RARB: variants seen among roughly 807,000 people sequenced by gnomAD.
RARB encodes the protein retinoic acid receptor beta, also known as HBV-activated protein.
A neutral mutation model predicts 51.9 loss-of-function variants in RARB; 17 were observed. The ratio of observed to expected loss-of-function variants is 0.33; its 90% CI spans 0.22 to 0.49. The LOEUF is 0.49. Among genes scored for constraint, RARB ranks in the 20% least tolerant of loss-of-function variants. The probability of loss-of-function intolerance (pLI) is 0.99; values close to 1 mark genes in which losing one functional copy is unlikely to be tolerated. For missense variants in RARB, 369 were observed against 550.8 expected (o/e 0.67, Z 3.30); for synonymous variants, 215 against 195.4 (o/e 1.10, Z -0.84).
At chr3:25,356,534 C>CT (rs1209949482) in intron 5 of RARB, among the ~76,000 whole-genome samples, 1 of 151,228 alleles carries the variant, frequency 6.6e-6, no homozygotes, top group African/African-American at 2.4e-5. Flanking sequence ...TTTTATTATA[C>CT]TTTAAGTTCT....
At chr3:25,575,766 C>T (rs1322386510) in intron 4 of RARB, among the ~76,000 whole-genome samples, 1 of 152,160 alleles carries the variant, frequency 6.6e-6, no homozygotes, top group Admixed American at 6.5e-5. Flanking sequence ...CCTATAAAGA[C>T]ACTATTTTCA....
At chr3:25,049,060 A>G (rs1698275772) in intron 2 of RARB, among the ~76,000 whole-genome samples, 1 of 152,128 alleles carries the variant, frequency 6.6e-6, no homozygotes, top group Non-Finnish European at 1.5e-5. Context: ...CTCCAAGACC[A>G]CTTTTAATTT....
At chr3:24,996,093 T>A (rs1450475345) in intron 2 of RARB, among the ~76,000 whole-genome samples, 1 of 152,126 alleles carries the variant, frequency 6.6e-6, no homozygotes, top group Non-Finnish European at 1.5e-5. Context: ...GGTTCTGGAC[T>A]TTTCTTTGTT....
intron 1 of RARB, among the ~76,000 whole-genome samples, chr3:25,449,031 G>A (rs1334111729): frequency 1.3e-5 from 2 of 152,062 alleles, no homozygotes; most frequent in African/African-American, 4.8e-5. Context: ...AATAAATTTT[G>A]GTTAAGGGAG....
chr3:24,926,290 G>A (rs1016247153), intron 2 of RARB, among the ~76,000 whole-genome samples: 3 of 150,614 alleles, frequency 2.0e-5, no homozygotes, highest in African/African-American at 7.3e-5. Flanking sequence ...GTGTAAAATT[G>A]AAGCCTACTT....
At chr3:24,854,583 C>T (rs993794962) in intron 1 of RARB, among the ~76,000 whole-genome samples, 1 of 152,116 alleles carries the variant, frequency 6.6e-6, no homozygotes, top group Non-Finnish European at 1.5e-5. Context: ...AAATCAGAAA[C>T]TCTGGAGGTG....
At chr3:25,065,543 T>C (rs1293420013) in intron 3 of RARB, among the ~76,000 whole-genome samples, 1 of 152,246 alleles carries the variant, frequency 6.6e-6, no homozygotes, top group East Asian at 1.9e-4. Flanking sequence ...AGTAAAGTCT[T>C]CTGTTGCTAT....
intron 5 of RARB, among the ~76,000 whole-genome samples, chr3:25,337,709 C>T (rs1176416182): frequency 6.6e-6 from 1 of 152,138 alleles, no homozygotes; most frequent in African/African-American, 2.4e-5. Flanking sequence ...CCCTCAGCCA[C>T]CTCTAACCCT....
chr3:25,495,471 T>C (rs1483281208), intron 2 of RARB, among the ~76,000 whole-genome samples: 3 of 152,258 alleles, frequency 2.0e-5, no homozygotes, highest in Non-Finnish European at 4.4e-5. Context: ...ATAGGAATGA[T>C]TGGAAACAGT....
intron 3 of RARB, among the ~76,000 whole-genome samples, chr3:25,115,429 A>G (rs768663300): frequency 2.0e-5 from 3 of 152,162 alleles, no homozygotes; most frequent in Admixed American, 6.6e-5. Context: ...TGGTGCATCT[A>G]TATGTATTAA....
intron 1 of RARB, among the ~76,000 whole-genome samples, chr3:25,445,176 C>T (rs1708875442): frequency 6.6e-6 from 1 of 152,114 alleles, no homozygotes; most frequent in Non-Finnish European, 1.5e-5. Flanking sequence ...TCTTGAACTC[C>T]TGAGCTCAGG....
intron 2 of RARB, among the ~76,000 whole-genome samples, chr3:24,871,744 C>T (rs1702952017): frequency 6.6e-6 from 1 of 152,198 alleles, no homozygotes; most frequent in Non-Finnish European, 1.5e-5. Flanking sequence ...CTTCTGAACA[C>T]ACCCCAGACC....
chr3:25,002,341 T>C (rs924181611), intron 2 of RARB, among the ~76,000 whole-genome samples: 4 of 152,166 alleles, frequency 2.6e-5, no homozygotes, highest in Non-Finnish European at 4.4e-5. Flanking sequence ...ATTTATTCTT[T>C]GGAGATGTTC....
At position 25,204,198 on chromosome 3, in the gene RARB, C is replaced by G. The variant is rs142353162; in HGVS notation, c.178+29623C>G. ...TAATTTGATCTTCAATCATTGATAC[C>G]CTTTCTTCCAGTTGATCGAATCAGC... is the stretch of plus-strand genomic sequence containing the variant. On this transcript the variant is annotated intron_variant, in intron 5 of 11. Coordinates refer to the RARB transcript ENST00000383772. Among the ~76,000 whole-genome samples the G allele has an allele frequency of 4.0e-3, 605 of 152,114 alleles. 10 individuals carry two copies. Among genetic ancestry groups the G allele is most frequent in the East Asian group, 0.03 (154 of 5,164 alleles).
intron 5 of RARB, among the ~76,000 whole-genome samples, chr3:25,396,405 T>A (rs1707115279): frequency 6.6e-6 from 1 of 152,248 alleles, no homozygotes; most frequent in African/African-American, 2.4e-5. Flanking sequence ...GGCAGTGGAA[T>A]CAACTGTTGT....
intron 5 of RARB, among the ~76,000 whole-genome samples, chr3:25,420,577 C>T (rs1184206315): frequency 1.3e-5 from 2 of 152,174 alleles, no homozygotes; most frequent in Non-Finnish European, 2.9e-5. Flanking sequence ...TTCAAGGATT[C>T]TAGAGAAAGA....
intron 5 of RARB, among the ~76,000 whole-genome samples, chr3:25,209,543 T>G (rs1287828178): frequency 1.3e-5 from 2 of 152,186 alleles, no homozygotes; most frequent in Non-Finnish European, 2.9e-5. Flanking sequence ...GTTAAAGGAA[T>G]CACCCTGAAG....
chr3:25,160,784 G>C (rs763162201), intron 4 of RARB, among the ~76,000 whole-genome samples: 36 of 152,152 alleles, frequency 2.4e-4, no homozygotes, highest in Non-Finnish European at 4.3e-4. Context: ...CTTTCAGAAG[G>C]ATCTGCAAGG....
At chr3:25,107,443 T>A (rs556120348) in intron 3 of RARB, among the ~76,000 whole-genome samples, 1 of 152,190 alleles carries the variant, frequency 6.6e-6, no homozygotes, top group Admixed American at 6.5e-5. Context: ...GAGCTTAATA[T>A]TAACTGCTAT....
Sources: allele counts gnomAD v4.1 joint callset (sites outside exome capture counted in the v4.1 genomes callset), GRCh38; gene constraint gnomAD v4.1.1; transcripts MANE v1.5; gene names NCBI Gene and HGNC (gene_info 2026-07-23, HGNC 2026-07-21).